The following KCNQ5 variants were observed in gnomAD, a reference collection of about 807,000 sequenced individuals.
The protein encoded by KCNQ5 is potassium voltage-gated channel subfamily KQT member 5.
In KCNQ5, 30 loss-of-function variants were observed where a neutral mutation model predicts 98.2. That is an observed-to-expected ratio of 0.31 (90% CI 0.23 to 0.41). The LOEUF (loss-of-function observed/expected upper bound fraction) is 0.41. Ranked by LOEUF, KCNQ5 falls within the 10% of genes least tolerant of loss-of-function variation. The probability of loss-of-function intolerance (pLI) is 1.00; values close to 1 mark genes in which losing one functional copy is unlikely to be tolerated. For missense variants in KCNQ5, 835 were observed against 1,182.5 expected (o/e 0.71, Z 4.31); for synonymous variants, 458 against 449.4 (o/e 1.02, Z -0.24).
At chr6:73,136,251 C>T (rs1419295743) in intron 10 of KCNQ5, 1 of 152,178 alleles carries the variant, frequency 6.6e-6, no homozygotes, top group Non-Finnish European at 1.5e-5. Context: ...GTGTAAGGTC[C>T]TTACTGTTGG....
chr6:72,790,602 T>G (rs1773987613), intron 1 of KCNQ5, among the ~76,000 whole-genome samples: 1 of 152,136 alleles, frequency 6.6e-6, no homozygotes, highest in African/African-American at 2.4e-5. Context: ...TGTTTGTTAG[T>G]GCAACAGGGT....
intron 1 of KCNQ5, among the ~76,000 whole-genome samples, chr6:72,651,075 A>T (rs921088981): frequency 1.3e-5 from 2 of 152,242 alleles, no homozygotes; most frequent in Admixed American, 1.3e-4. Flanking sequence ...GAGGTAAAGT[A>T]TGAGGGGAGA....
chr6:72,977,621 T>C, intron 1 of KCNQ5, among the ~76,000 whole-genome samples: 1 of 152,164 alleles, frequency 6.6e-6, no homozygotes, highest in East Asian at 1.9e-4. Context: ...ACTTTAGGGG[T>C]TTGGGGGTTT....
chr6:73,190,710 C>G lies in KCNQ5; in HGVS notation c.1709+6C>G, dbSNP rs768839457. 1.0e-5 allele frequency: 16 copies of G among 1,525,468 alleles called. No individual in the cohort carries two copies. Among genetic ancestry groups the G allele is most frequent in the Non-Finnish European group, 1.3e-5 (15 of 1,132,724 alleles). The allele number at this position is 1,525,468 out of a possible 1,614,324, so 94.5% of individuals were successfully genotyped here. ...ATTAAAAGCCTTCAAACACGGTAAG[C>G]AATGGAAATGTCATTCCTTGTAAAG... On this transcript the variant is annotated splice_donor_region_variant and intron_variant, in intron 12 of 13. Transcript: ENST00000370398.
chr6:72,832,020 G>T (rs1776297280), intron 1 of KCNQ5, among the ~76,000 whole-genome samples: 1 of 152,194 alleles, frequency 6.6e-6, no homozygotes, highest in Non-Finnish European at 1.5e-5. Context: ...AGAACATCAG[G>T]ATGAAGGCAG....
chr6:72,978,828 T>A (rs564164304), intron 1 of KCNQ5, among the ~76,000 whole-genome samples: 16 of 152,062 alleles, frequency 1.1e-4, no homozygotes, highest in African/African-American at 3.6e-4. Context: ...CCCTCCCCCA[T>A]CCCCTGACCC....
chr6:73,157,731 G>T (rs1777424879), intron 10 of KCNQ5: 2 of 777,514 alleles, frequency 2.6e-6, no homozygotes, highest in Non-Finnish European at 4.8e-6. Context: ...GGTCATAGGG[G>T]TCCCGAGCGA....
At chr6:72,949,678 A>G (rs772389226) in intron 1 of KCNQ5, among the ~76,000 whole-genome samples, 1 of 152,200 alleles carries the variant, frequency 6.6e-6, no homozygotes, top group Non-Finnish European at 1.5e-5. Flanking sequence ...GAAAGTGCCA[A>G]AATTTTGCAC....
intron 2 of KCNQ5, among the ~76,000 whole-genome samples, chr6:73,006,299 T>C (rs536379658): frequency 5.3e-5 from 8 of 151,970 alleles, no homozygotes; most frequent in Non-Finnish European, 1.0e-4. Context: ...ATCGAAGGAA[T>C]TACCATCCAA....
chr6:73,128,517 C>A (rs1376209842), intron 9 of KCNQ5, among the ~76,000 whole-genome samples: 1 of 152,164 alleles, frequency 6.6e-6, no homozygotes, highest in East Asian at 1.9e-4. Flanking sequence ...CCTCCTTGAC[C>A]AGATTATCAA....
intron 1 of KCNQ5, among the ~76,000 whole-genome samples, chr6:72,779,723 C>T (rs1773355646): frequency 1.3e-5 from 2 of 152,066 alleles, no homozygotes; most frequent in African/African-American, 4.8e-5. Context: ...TGGCTCACTA[C>T]AGCTTGGACC....
chr6:73,155,718 A>G (rs1777336719), intron 10 of KCNQ5, among the ~76,000 whole-genome samples: 2 of 152,202 alleles, frequency 1.3e-5, no homozygotes, highest in African/African-American at 2.4e-5. Context: ...TTTGTCTTAG[A>G]GTGTTAAAAC....
At chr6:73,069,020 C>T (rs1186476195) in intron 3 of KCNQ5, among the ~76,000 whole-genome samples, 1 of 152,110 alleles carries the variant, frequency 6.6e-6, no homozygotes, top group African/African-American at 2.4e-5. Context: ...CCAACATTGA[C>T]AATTCATTTT....
chr6:72,736,022 T>C (rs1396890677), intron 1 of KCNQ5, among the ~76,000 whole-genome samples: 1 of 152,048 alleles, frequency 6.6e-6, no homozygotes, highest in Non-Finnish European at 1.5e-5. Flanking sequence ...TTTTTGTTAA[T>C]AGTCTTTTTT....
chr6:73,132,286 C>A (rs1301501602), intron 9 of KCNQ5, among the ~76,000 whole-genome samples: 1 of 152,106 alleles, frequency 6.6e-6, no homozygotes, highest in African/African-American at 2.4e-5. Flanking sequence ...TGAGAGACTT[C>A]CCTCAGACTC....
chr6:72,674,951 C>A (rs1431760296), intron 1 of KCNQ5, among the ~76,000 whole-genome samples: 1 of 152,106 alleles, frequency 6.6e-6, no homozygotes, highest in Non-Finnish European at 1.5e-5. Context: ...TGCATGGATG[C>A]TATAGATCTC....
chr6:73,141,376 T>C (rs1454676353), intron 10 of KCNQ5, among the ~76,000 whole-genome samples: 1 of 152,252 alleles, frequency 6.6e-6, no homozygotes, highest in African/African-American at 2.4e-5. Flanking sequence ...AACAGGTTGC[T>C]TCTTCCATTA....
At chr6:72,833,948 A>G (rs1169165955) in intron 1 of KCNQ5, among the ~76,000 whole-genome samples, 2 of 152,152 alleles carry the variant, frequency 1.3e-5, no homozygotes, top group East Asian at 1.9e-4. Context: ...AAAAGAATAC[A>G]TAAAGTTATA....
chr6:72,907,859 G>T (rs1779765051), intron 1 of KCNQ5, among the ~76,000 whole-genome samples: 1 of 151,850 alleles, frequency 6.6e-6, no homozygotes, highest in African/African-American at 2.4e-5. Flanking sequence ...TGAGAAGGAG[G>T]TCACTTAAAA....
Sources: gnomAD v4.1 joint callset for allele counts (sites outside exome capture counted in the v4.1 genomes callset) on GRCh38, gnomAD v4.1.1 for gene constraint, MANE v1.5 for transcripts, NCBI Gene and HGNC (gene_info 2026-07-23, HGNC 2026-07-21) for gene names.